ME3: variants seen among roughly 807,000 people sequenced by gnomAD.
ME3 encodes malic enzyme 3.
In ME3, 48 loss-of-function variants were observed where a neutral mutation model predicts 68.9. The observed-to-expected ratio is 0.70, with a 90% CI of 0.55 to 0.89. ME3 has a LOEUF of 0.89. Among genes scored for constraint, ME3 ranks in the 40% least tolerant of loss-of-function variants. The pLI is 0.00. For synonymous variants in ME3, 320 were observed against 318.8 expected (o/e 1.00, Z -0.04); for missense variants, 675 against 797.4 (o/e 0.85, Z 1.85).
At chr11:86,641,875 CT>C (rs1383476823) in intron 2 of ME3, among the ~76,000 whole-genome samples, 3 of 151,908 alleles carry the variant, frequency 2.0e-5, no homozygotes, top group African/African-American at 7.3e-5. Flanking sequence ...AACTTCACCT[CT>C]TTTTTTAAAA....
intron 4 of ME3, among the ~76,000 whole-genome samples, chr11:86,530,390 G>C (rs2139262531): frequency 6.6e-6 from 1 of 152,318 alleles, no homozygotes; most frequent in East Asian, 1.9e-4. Flanking sequence ...TCATGGATAG[G>C]AAGAATCAAT....
intron 2 of ME3, among the ~76,000 whole-genome samples, chr11:86,619,546 A>G (rs557347588): frequency 6.6e-6 from 1 of 152,298 alleles, no homozygotes; most frequent in East Asian, 1.9e-4. Context: ...GGTTTCCCCC[A>G]TACTGTTCTA....
At chr11:86,455,066 C>G (rs901858138) in intron 8 of ME3, among the ~76,000 whole-genome samples, 3 of 152,262 alleles carry the variant, frequency 2.0e-5, no homozygotes, top group African/African-American at 7.2e-5. Context: ...CCCCTGTCTT[C>G]ACACAGCTGT....
chr11:86,592,560 G>GT (rs1247105398), intron 2 of ME3, among the ~76,000 whole-genome samples: 1 of 152,192 alleles, frequency 6.6e-6, no homozygotes, highest in Non-Finnish European at 1.5e-5. Context: ...CATAGAGACA[G>GT]TGTTTGGGAA....
intron 2 of ME3, among the ~76,000 whole-genome samples, chr11:86,619,147 A>C (rs535567584): frequency 6.6e-6 from 1 of 152,188 alleles, no homozygotes; most frequent in African/African-American, 2.4e-5. Flanking sequence ...CCAGAAGCAG[A>C]TGTCAGCACT....
At chr11:86,465,050 G>T in intron 8 of ME3, 41 bp downstream of exon 8, 3 of 1,495,896 alleles carry the variant, frequency 2.0e-6, no homozygotes, top group Non-Finnish European at 2.8e-6. Flanking sequence ...GAGAATATAA[G>T]TTAGTCCCCT....
Position 86,568,929 on chromosome 11 carries a change from G to A in ME3, c.184-9106C>T, listed in dbSNP as rs558547915. 7.9e-5 allele frequency among the ~76,000 whole-genome samples: 12 copies of A among 152,368 alleles called. No homozygotes were observed. The South Asian group carries it at 2.5e-3, about 32-fold the overall frequency. On this transcript the variant is annotated intron_variant, in intron 2 of 14. Coordinates refer to ENST00000543262, the Ensembl canonical transcript of ME3. ...CTCAAGTGTCTACTAGAGGAGACAT[G>A]TGGGTTAACATACAATACCAATCCT...
exon 14 of ME3, chr11:86,442,913 C>G (rs774169215): frequency 1.2e-6 from 2 of 1,611,140 alleles, no homozygotes; most frequent in Non-Finnish European, 1.7e-6. Context: ...ACTTCCTGGG[C>G]AATTTGCTGG....
intron 2 of ME3, among the ~76,000 whole-genome samples, chr11:86,632,028 C>A (rs1226549634): frequency 3.9e-5 from 6 of 152,190 alleles, no homozygotes; most frequent in Admixed American, 2.6e-4. Context: ...CCACCATGCC[C>A]AGCCAAATTA....
chr11:86,532,329 A>AGTAAG (rs1555224955), intron 4 of ME3, among the ~76,000 whole-genome samples: 5 of 151,956 alleles, frequency 3.3e-5, no homozygotes, highest in Non-Finnish European at 5.9e-5. Context: ...ACAGAAAATA[A>AGTAAG]ATAACATTCG....
intron 2 of ME3, among the ~76,000 whole-genome samples, chr11:86,603,433 A>C (rs934771345): frequency 3.9e-5 from 6 of 152,344 alleles, no homozygotes; most frequent in African/African-American, 9.6e-5. Context: ...GGCAATCATT[A>C]AAAAGTCAGG....
chr11:86,661,302 G>A (rs936401874), intron 2 of ME3, among the ~76,000 whole-genome samples: 1 of 152,246 alleles, frequency 6.6e-6, no homozygotes, highest in African/African-American at 2.4e-5. Flanking sequence ...TAGCAGAGGT[G>A]ACCCTGGAGA....
intron 2 of ME3, among the ~76,000 whole-genome samples, chr11:86,611,168 C>T (rs1942544876): frequency 6.6e-6 from 1 of 152,162 alleles, no homozygotes. Context: ...GCTGCATGAT[C>T]TCAGTTACTT....
At chr11:86,476,558 G>C (rs1290655196) in intron 7 of ME3, among the ~76,000 whole-genome samples, 1 of 152,204 alleles carries the variant, frequency 6.6e-6, no homozygotes, top group Non-Finnish European at 1.5e-5. Context: ...GGGGGTGACT[G>C]ACTCTGAGTG....
chr11:86,652,664 C>G (rs376271195), intron 2 of ME3, among the ~76,000 whole-genome samples: 66,383 of 149,906 alleles, frequency 0.44, 16,420 homozygotes, highest in Non-Finnish European at 0.56. Flanking sequence ...AGACCATCCA[C>G]GCTAGGAAGA....
chr11:86,496,993 T>C (rs1410867392), intron 6 of ME3, among the ~76,000 whole-genome samples: 2 of 152,188 alleles, frequency 1.3e-5, no homozygotes, highest in Admixed American at 1.3e-4. Context: ...TATTTATTTA[T>C]TTATTTGAGA....
intron 4 of ME3, among the ~76,000 whole-genome samples, chr11:86,517,759 C>T (rs1953989318): frequency 6.6e-6 from 1 of 152,142 alleles, no homozygotes; most frequent in African/African-American, 2.4e-5. Flanking sequence ...CCACTAGACT[C>T]ATGTTCCCTG....
At chr11:86,531,326 C>G (rs77601310) in intron 4 of ME3, among the ~76,000 whole-genome samples, 25,144 of 151,216 alleles carry the variant, frequency 0.17, 2,276 homozygotes, top group African/African-American at 0.24. Context: ...TTAGAATGGC[C>G]ATCATTAAAA....
intron 4 of ME3, among the ~76,000 whole-genome samples, chr11:86,519,882 C>A (rs7944836): frequency 0.088 from 13,345 of 152,308 alleles, 829 homozygotes; most frequent in African/African-American, 0.18. Context: ...TAAAATCACA[C>A]TTTCCACTGC....
Sources: gnomAD v4.1 joint callset for allele counts (sites outside exome capture counted in the v4.1 genomes callset) on GRCh38, gnomAD v4.1.1 for gene constraint, MANE v1.5 for transcripts, NCBI Gene and HGNC (gene_info 2026-07-23, HGNC 2026-07-21) for gene names.